SPOCK2: variants seen among roughly 807,000 people sequenced by gnomAD.
The protein encoded by SPOCK2 is SPARC (osteonectin), cwcv and kazal like domains proteoglycan 2, also known as testican-2.
SPOCK2 carries 39 observed loss-of-function variants against 60.1 expected under a neutral mutation model. That is an observed-to-expected ratio of 0.65 (90% CI 0.50 to 0.85). SPOCK2 has a LOEUF of 0.85. Ranked by LOEUF, SPOCK2 falls within the 40% of genes least tolerant of loss-of-function variation. SPOCK2 has a pLI of 0.00. For synonymous variants in SPOCK2, 217 were observed against 231.5 expected, an observed-to-expected ratio of 0.94 and a Z score of 0.57; for missense variants, 523 against 567.4, an observed-to-expected ratio of 0.92 and a Z score of 0.80.
At chr10:72,080,331 G>T (rs1311589159) in intron 1 of SPOCK2, among the ~76,000 whole-genome samples, 2 of 152,200 alleles carry the variant, frequency 1.3e-5, no homozygotes, top group African/African-American at 4.8e-5. Context: ...CCTCTGAGAG[G>T]CCCTGTATCT....
chr10:72,078,578 T>G (rs1840746432), intron 1 of SPOCK2, among the ~76,000 whole-genome samples: 1 of 151,842 alleles, frequency 6.6e-6, no homozygotes, highest in African/African-American at 2.4e-5. Context: ...ATAATAAGTA[T>G]TATATTTTGA....
chr10:72,076,045 G>A (rs148483150), intron 1 of SPOCK2, among the ~76,000 whole-genome samples: 488 of 152,274 alleles, frequency 3.2e-3, no homozygotes, highest in African/African-American at 0.011. Flanking sequence ...AGAGACCCCC[G>A]GACTGCAAGT....
At chr10:72,072,093 T>C in intron 4 of SPOCK2, 51 bp downstream of exon 4, 1 of 1,394,890 alleles carries the variant, frequency 7.2e-7, no homozygotes, top group Non-Finnish European at 9.5e-7. Context: ...GTTGAGCCCT[T>C]GCTCTTTGAA....
rs1589117343 is a variant in SPOCK2 at position 72,064,571 on chromosome 10, T to C, written c.929-331A>G. On this transcript the variant is annotated intron_variant, in intron 8 of 10. Coordinates refer to ENST00000373109, the MANE Select transcript of SPOCK2 (RefSeq NM_001244950.2). ...AAGTATGAGAGAGCCCAGGGGAACG[T>C]AATGCTAGAGGGAATGTTAGAGAGA... 2.0e-5 allele frequency among the ~76,000 whole-genome samples: 3 copies of C among 152,246 alleles called. No homozygotes were observed. In the South Asian group the frequency reaches 6.2e-4, roughly 32 times the overall value.
chr10:72,082,853 C>CAAAAAAAAA (rs770751183), intron 1 of SPOCK2, among the ~76,000 whole-genome samples: 1 of 46,014 alleles, frequency 2.2e-5, no homozygotes, highest in Non-Finnish European at 3.8e-5. Flanking sequence ...GACCCTGTCT[C>CAAAAAAAAA]AAAAAAAAAA....
Position 72,066,889 on chromosome 10 carries a change from G to T in SPOCK2, c.928+13C>A. 6.2e-7 allele frequency: 1 copy of T among 1,613,822 alleles called. No individual in the cohort carries two copies. The highest frequency in any genetic ancestry group is 1.1e-5 in the South Asian group (1 of 91,076). On this transcript the variant is annotated intron_variant, in intron 8 of 10. Coordinates refer to ENST00000373109, the MANE Select transcript of SPOCK2 (RefSeq NM_001244950.2). ...CGGGTGAGGCAGGGGCCTGGGAGGG[G>T]GGCTGCACTCACTCTCCCTCCAGAA...
chr10:72,062,975 G>C lies in SPOCK2; in HGVS notation c.1129+50C>G, dbSNP rs750090353. The C allele has an allele frequency of 3.2e-6, 5 of 1,577,310 alleles. No individual in the cohort carries two copies. The highest frequency in any genetic ancestry group is 4.3e-6 in the Non-Finnish European group (5 of 1,163,742). On this transcript the variant is annotated intron_variant, in intron 10 of 10. Coordinates refer to ENST00000373109, the MANE Select transcript of SPOCK2 (RefSeq NM_001244950.2). This position sits in a 1 kb window ranked among gnomAD's most constrained non-coding sequence, Gnocchi z 4.3. ...CGCACCCCCCAGCATCCCACGACAA[G>C]GGCCCCCAGGCCTGGGCCCCCAGCA... is the stretch of plus-strand genomic sequence containing the variant.
At chr10:72,070,646 CTCT>C (rs1328842924) in intron 4 of SPOCK2, among the ~76,000 whole-genome samples, 2 of 150,122 alleles carry the variant, frequency 1.3e-5, no homozygotes, top group African/African-American at 4.9e-5. Context: ...CCCCCAGCTT[CTCT>C]TCTTCTAGGA....
Position 72,067,750 on chromosome 10 carries a change from G to C in SPOCK2, c.590-18C>G. On this transcript the variant is annotated intron_variant, in intron 6 of 10. Coordinates refer to ENST00000373109, the MANE Select transcript of SPOCK2 (RefSeq NM_001244950.2). ...GCAAGTCTCTGCAGAACAGAGAGAAGGCATGGAGGGCGAATGTGCAGTGGA... is the reference window on the plus strand; with the variant it reads ...GCAAGTCTCTGCAGAACAGAGAGAACGCATGGAGGGCGAATGTGCAGTGGA... 1 of 1,610,552 alleles carries C rather than the reference G, an allele frequency of 6.2e-7. No individual in the cohort carries two copies. Among genetic ancestry groups the C allele is most frequent in the Non-Finnish European group, 8.5e-7 (1 of 1,178,628 alleles).
rs933602758 is a variant in SPOCK2, at chr10:72,072,641, G to T, written c.199-93C>A. Reference sequence around the variant, plus strand: ...GGGTCGAGGAGAGGCCTGGGCCAGCGATGTCATGTGCCAATGGCCGTCATC... The same window carrying T: ...GGGTCGAGGAGAGGCCTGGGCCAGCTATGTCATGTGCCAATGGCCGTCATC... On this transcript the variant is annotated intron_variant, in intron 2 of 10. Transcript: ENST00000373109. The T allele has an allele frequency of 4.3e-5, 67 of 1,564,194 alleles. No homozygotes were observed. The African/African-American group carries it at 7.5e-4, about 18-fold the overall frequency.
intron 1 of SPOCK2, among the ~76,000 whole-genome samples, chr10:72,085,101 C>T (rs12571394): frequency 6.6e-6 from 1 of 152,218 alleles, no homozygotes; most frequent in Admixed American, 6.5e-5. Context: ...GTCCATCCCT[C>T]TAGGCCCTAG....
chr10:72,065,184 T>C lies in SPOCK2; in HGVS notation c.929-944A>G, dbSNP rs12765730. On this transcript the variant is annotated intron_variant, in intron 8 of 10. Transcript: ENST00000373109. ...CCAAGTAGCTGAGATTACAGGCACC[T>C]GCCACCATGCCTGGCTAATTTTTGT... Among the ~76,000 whole-genome samples the C allele has an allele frequency of 6.4e-5, 5 of 78,286 alleles. 1 individual carries two copies. Among genetic ancestry groups the C allele is most frequent in the East Asian group, 2.4e-4 (1 of 4,106 alleles). 51.4% of individuals were successfully genotyped at this position (78,286 alleles called of 152,430 possible). A position where few individuals can be genotyped will look rare whatever the true frequency, so the allele number is the denominator to read the frequency against.
intron 1 of SPOCK2, among the ~76,000 whole-genome samples, chr10:72,074,273 A>T (rs1206376168): frequency 6.6e-6 from 1 of 152,190 alleles, no homozygotes; most frequent in Non-Finnish European, 1.5e-5. Context: ...CAGAGCAGGC[A>T]GGGTGAGGCC....
chr10:72,088,368 A>G lies in SPOCK2; in HGVS notation c.-40T>C. ...GACCTGGGGGGGTCTTGACTTCTGC[A>G]GTATTTTAATGTCCTTCCTCCCACC... On this transcript the variant is annotated 5_prime_UTR_variant, in exon 1 of 11. Transcript: ENST00000373109. 2.7e-6 allele frequency: 4 copies of G among 1,499,042 alleles called. No homozygotes were observed. The highest frequency in any genetic ancestry group is 3.5e-6 in the Non-Finnish European group (4 of 1,127,410). The allele number at this position is 1,499,042 out of a possible 1,614,324, so 92.9% of individuals were successfully genotyped here.
At chr10:72,066,078 G>A (rs1840563671) in intron 8 of SPOCK2, among the ~76,000 whole-genome samples, 1 of 152,106 alleles carries the variant, frequency 6.6e-6, no homozygotes, top group Non-Finnish European at 1.5e-5. Context: ...TGAGCCTGGG[G>A]ACCTCCATTT....
intron 4 of SPOCK2, among the ~76,000 whole-genome samples, chr10:72,071,879 C>T (rs76140021): frequency 6.6e-6 from 1 of 152,064 alleles, no homozygotes; most frequent in African/African-American, 2.4e-5. Flanking sequence ...TCCTCCAGCC[C>T]GACAAGCTTT....
At chr10:72,086,193 CA>C in intron 1 of SPOCK2, 1 of 985,904 alleles carries the variant, frequency 1.0e-6, no homozygotes, top group African/African-American at 1.7e-5. Context: ...AAAGCTTTCC[CA>C]TGAATCTTAC....
At chr10:72,081,140 A>G (rs1194112322) in intron 1 of SPOCK2, among the ~76,000 whole-genome samples, 4 of 152,174 alleles carry the variant, frequency 2.6e-5, no homozygotes, top group Non-Finnish European at 5.9e-5. Context: ...CCCAGGCCAC[A>G]AGAGGAGTGG....
At chr10:72,066,605 G>C (rs2131811487) in intron 8 of SPOCK2, among the ~76,000 whole-genome samples, 1 of 151,782 alleles carries the variant, frequency 6.6e-6, no homozygotes, top group South Asian at 2.1e-4. Flanking sequence ...CTCCCAAAGT[G>C]CTGGGATTTC....
Sources: gnomAD v4.1 joint callset for allele counts (sites outside exome capture counted in the v4.1 genomes callset) on GRCh38, gnomAD v4.1.1 for gene constraint, Gnocchi (gnomAD v3.1) non-coding constraint, MANE v1.5 for transcripts, NCBI Gene and HGNC (gene_info 2026-07-23, HGNC 2026-07-21) for gene names.